Variants in GRM5 observed in about 807,000 individuals in gnomAD.
The protein encoded by GRM5 is metabotropic glutamate receptor 5.
GRM5 carries 19 observed loss-of-function variants against 83.1 expected under a neutral mutation model. That is an observed-to-expected ratio of 0.23 (90% CI 0.16 to 0.34). The LOEUF is 0.34. Ranked by LOEUF, GRM5 falls within the 10% of genes least tolerant of loss-of-function variation. The pLI is 1.00. For missense variants in GRM5, 1,160 were observed against 1,588.3 expected, an observed-to-expected ratio of 0.73 and a Z score of 4.58; for synonymous variants, 675 against 633.6, an observed-to-expected ratio of 1.07 and a Z score of -0.98.
rs1354096813 is a variant in GRM5 at position 88,506,466 on chromosome 11, C to T, written c.*2126G>A. 1.3e-5 allele frequency: 2 copies of T among 152,136 alleles called. No homozygotes were observed. Among genetic ancestry groups the T allele is most frequent in the South Asian group, 2.1e-4 (1 of 4,834 alleles). The allele number at this position is 152,136 out of a possible 1,614,324, so 9.4% of individuals were successfully genotyped here. A position where few individuals can be genotyped will look rare whatever the true frequency, so the allele number is the denominator to read the frequency against. The stretch of plus-strand genomic sequence containing the variant: ...GATGAGGATCCAAAGGGTATTAACA[C>T]CTCAAAAGATTTCCATTTGTTTTTC... On this transcript the variant is annotated 3_prime_UTR_variant, in exon 10 of 10. Transcript: ENST00000305447.
At chr11:88,753,806 A>G (rs1452065861) in intron 3 of GRM5, among the ~76,000 whole-genome samples, 1 of 152,110 alleles carries the variant, frequency 6.6e-6, no homozygotes, top group Non-Finnish European at 1.5e-5. Flanking sequence ...CTGGCCTCAC[A>G]TTTCCACATG....
intron 9 of GRM5, among the ~76,000 whole-genome samples, chr11:88,509,796 G>A (rs1259526507): frequency 6.6e-6 from 1 of 152,192 alleles, no homozygotes; most frequent in Non-Finnish European, 1.5e-5. Flanking sequence ...AGGATTCTGC[G>A]GGAGTTCTGA....
At chr11:88,995,544 C>CAAA (rs1022656205) in intron 2 of GRM5, among the ~76,000 whole-genome samples, 4 of 16,910 alleles carry the variant, frequency 2.4e-4, no homozygotes, top group African/African-American at 3.6e-4. Flanking sequence ...GACTCCATCT[C>CAAA]AAAAAAAAAA....
intron 8 of GRM5, among the ~76,000 whole-genome samples, chr11:88,535,009 T>C (rs1942102044): frequency 6.6e-6 from 1 of 152,206 alleles, no homozygotes; most frequent in Non-Finnish European, 1.5e-5. Context: ...TCTGCCATGA[T>C]TGTGAGGCTT....
At chr11:89,032,848 T>A (rs1244608864) in intron 2 of GRM5, among the ~76,000 whole-genome samples, 2 of 152,034 alleles carry the variant, frequency 1.3e-5, no homozygotes, top group African/African-American at 4.8e-5. Context: ...CTCAGATCTG[T>A]CCCTTCCAGA....
At chr11:88,993,616 G>A (rs954888615) in intron 2 of GRM5, among the ~76,000 whole-genome samples, 1 of 152,098 alleles carries the variant, frequency 6.6e-6, no homozygotes, top group African/African-American at 2.4e-5. Flanking sequence ...TCTGTGTAAA[G>A]GTAATGTAAT....
At chr11:88,751,765 G>A (rs558479386) in intron 3 of GRM5, among the ~76,000 whole-genome samples, 9 of 152,218 alleles carry the variant, frequency 5.9e-5, no homozygotes, top group South Asian at 4.2e-4. Context: ...AATCGAGTTC[G>A]CTTCATTCTC....
At chr11:88,745,193 T>C (rs1727680167) in intron 3 of GRM5, among the ~76,000 whole-genome samples, 1 of 3,884 alleles carries the variant, frequency 2.6e-4, no homozygotes, top group Admixed American at 5.0e-3. Context: ...TTTCTTTTTA[T>C]TTTTCTTTTT....
chr11:88,539,642 G>A (rs542724352), intron 8 of GRM5, among the ~76,000 whole-genome samples: 3 of 152,100 alleles, frequency 2.0e-5, no homozygotes, highest in South Asian at 4.2e-4. Context: ...TTCCTCATAC[G>A]AGACATAACC....
intron 3 of GRM5, among the ~76,000 whole-genome samples, chr11:88,841,844 G>A (rs1944209417): frequency 6.6e-6 from 1 of 152,134 alleles, no homozygotes; most frequent in South Asian, 2.1e-4. Context: ...CAATAATCAG[G>A]AACAATCACT....
intron 2 of GRM5, among the ~76,000 whole-genome samples, chr11:88,945,462 C>T (rs1176657671): frequency 6.6e-6 from 1 of 151,970 alleles, no homozygotes; most frequent in South Asian, 2.1e-4. Context: ...AAGAACAAAG[C>T]CAGATACATC....
chr11:88,570,623 A>G (rs1280186362), intron 7 of GRM5, among the ~76,000 whole-genome samples: 4 of 120,530 alleles, frequency 3.3e-5, no homozygotes, highest in Middle Eastern at 0.014. Flanking sequence ...TTTGTCACCC[A>G]GGCTAGAGTG....
At chr11:88,855,765 T>A (rs189548188) in intron 2 of GRM5, among the ~76,000 whole-genome samples, 150 of 152,032 alleles carry the variant, frequency 9.9e-4, no homozygotes, top group African/African-American at 3.5e-3. Context: ...TGTTGCCTAT[T>A]GCATATATTC....
intron 4 of GRM5, among the ~76,000 whole-genome samples, chr11:88,650,997 T>C (rs559403872): frequency 1.3e-5 from 2 of 151,996 alleles, no homozygotes; most frequent in Non-Finnish European, 2.9e-5. Flanking sequence ...TGACATCTGT[T>C]GTCAGACGAG....
chr11:88,760,986 G>T (rs1275931265), intron 3 of GRM5, among the ~76,000 whole-genome samples: 3 of 151,878 alleles, frequency 2.0e-5, no homozygotes, highest in Non-Finnish European at 4.4e-5. Flanking sequence ...ATGCAGAAAA[G>T]TCTCAAAAAA....
At chr11:89,005,893 G>C (rs959867321) in intron 2 of GRM5, among the ~76,000 whole-genome samples, 1 of 152,082 alleles carries the variant, frequency 6.6e-6, no homozygotes, top group East Asian at 1.9e-4. Context: ...ACAAATAAAA[G>C]CCCTATTCCT....
intron 2 of GRM5, among the ~76,000 whole-genome samples, chr11:89,022,470 G>A (rs529173604): frequency 6.5e-5 from 9 of 138,940 alleles, no homozygotes; most frequent in East Asian, 6.3e-4. Flanking sequence ...GTGAAACTCC[G>A]TCCCTACTAA....
intron 7 of GRM5, among the ~76,000 whole-genome samples, chr11:88,588,833 T>C (rs988185859): frequency 2.6e-5 from 4 of 152,286 alleles, no homozygotes; most frequent in Admixed American, 2.6e-4. Flanking sequence ...TTTATGTCTC[T>C]TTCCCCACAA....
At chr11:88,799,765 C>T in intron 3 of GRM5, among the ~76,000 whole-genome samples, 1 of 152,024 alleles carries the variant, frequency 6.6e-6, no homozygotes, top group Admixed American at 6.6e-5. Flanking sequence ...TAATAAAAGT[C>T]AGAAGATTTC....
Sources: gnomAD v4.1 joint callset for allele counts (sites outside exome capture counted in the v4.1 genomes callset) on GRCh38, gnomAD v4.1.1 for gene constraint, MANE v1.5 for transcripts, NCBI Gene and HGNC (gene_info 2026-07-23, HGNC 2026-07-21) for gene names.